Variants in GAS7 observed in about 807,000 individuals in gnomAD.
GAS7 encodes growth arrest specific 7.
In GAS7, 28 loss-of-function variants were observed where a neutral mutation model predicts 71.1. That is an observed-to-expected ratio of 0.39 (90% confidence interval 0.29 to 0.54). GAS7 has a LOEUF of 0.54. Among genes scored for constraint, GAS7 ranks in the 20% least tolerant of loss-of-function variants. The probability of loss-of-function intolerance (pLI) is 0.62; values close to 1 mark genes in which losing one functional copy is unlikely to be tolerated. For synonymous variants in GAS7, 258 were observed against 245.8 expected, an observed-to-expected ratio of 1.05 and a Z score of -0.46; for missense variants, 436 against 627.8, an observed-to-expected ratio of 0.69 and a Z score of 3.27.
In GAS7 at chr17:9,981,295, G is replaced by A. The variant is rs1435614160; in HGVS notation, c.385+509C>T. Among the ~76,000 whole-genome samples, 1 of 152,006 alleles carries A rather than the reference G, an allele frequency of 6.6e-6. No homozygotes were observed. The highest frequency in any genetic ancestry group is 1.5e-5 in the Non-Finnish European group (1 of 68,032). On this transcript the variant is annotated intron_variant, in intron 3 of 13. Coordinates refer to ENST00000432992, the MANE Select transcript of GAS7 (RefSeq NM_201433.2). The surrounding 1 kb of genome is among the most constrained non-coding windows in gnomAD (Gnocchi z 4.4). ...GACAGAATGAGACCCTGTCTCAAAA[G>A]AGAAACAAACAAACAAACAAAAAAG...
chr17:10,007,625 C>CAAAAAAAAAAAAAAAA, intron 2 of GAS7, among the ~76,000 whole-genome samples: 1 of 46,594 alleles, frequency 2.1e-5, no homozygotes, highest in Non-Finnish European at 4.6e-5. Flanking sequence ...GATTCTGTCT[C>CAAAAAAAAAAAAAAAA]AAAAAAAAAA....
chr17:10,193,703 G>A (rs989146780), intron 1 of GAS7, among the ~76,000 whole-genome samples: 1 of 152,188 alleles, frequency 6.6e-6, no homozygotes, highest in South Asian at 2.1e-4. Context: ...GGCGCCACAT[G>A]GAAGAACATC....
At chr17:10,095,060 G>A (rs1198308544) in intron 1 of GAS7, among the ~76,000 whole-genome samples, 1 of 152,132 alleles carries the variant, frequency 6.6e-6, no homozygotes, top group Non-Finnish European at 1.5e-5. Context: ...AGATGGCCTA[G>A]GTTCAAGTCC....
chr17:10,049,884 T>C (rs953957537), intron 1 of GAS7, among the ~76,000 whole-genome samples: 3 of 152,074 alleles, frequency 2.0e-5, no homozygotes, highest in Non-Finnish European at 4.4e-5. Flanking sequence ...CGTCCCAAAG[T>C]GTTGGGATTA....
intron 1 of GAS7, among the ~76,000 whole-genome samples, chr17:10,169,205 G>A (rs182191599): frequency 1.1e-3 from 169 of 152,160 alleles, no homozygotes; most frequent in Non-Finnish European, 2.0e-3. Flanking sequence ...GGCAGAAGTT[G>A]CAGTGAGCCA....
intron 2 of GAS7, among the ~76,000 whole-genome samples, chr17:10,017,270 T>G (rs11868660): frequency 0.042 from 6,347 of 151,586 alleles, 250 homozygotes; most frequent in African/African-American, 0.1. Context: ...GACCAACTGG[T>G]CAAACCAACT....
At chr17:9,918,242 C>T in intron 12 of GAS7, 143 bp from the exon 13 acceptor site, 1 of 620,688 alleles carries the variant, frequency 1.6e-6, no homozygotes, top group South Asian at 1.9e-5. Context: ...GAGCGTGCCC[C>T]ATATCTAAGG....
intron 1 of GAS7, among the ~76,000 whole-genome samples, chr17:10,084,036 T>C (rs906300821): frequency 8.5e-5 from 13 of 152,084 alleles, no homozygotes; most frequent in African/African-American, 3.1e-4. Flanking sequence ...TACCTAGGCA[T>C]TGGCTGCCTC....
At chr17:9,970,412 G>T (rs2069912259) in intron 3 of GAS7, among the ~76,000 whole-genome samples, 1 of 152,060 alleles carries the variant, frequency 6.6e-6, no homozygotes, top group South Asian at 2.1e-4. Flanking sequence ...GGCGGATCAT[G>T]TGAGGTCAGG....
rs528743799 is a variant in GAS7 at position 10,029,756 on chromosome 17, A to G, written c.184-9859T>C. On this transcript the variant is annotated intron_variant, in intron 1 of 13. Transcript: ENST00000432992. ...AGTCCCAGCTACTAGGGAGGCTGAG[A>G]CAGGAGAATTGCTTGAACCTAGAAG... Among the ~76,000 whole-genome samples the G allele has an allele frequency of 3.8e-3, 584 of 152,178 alleles. 2 individuals are homozygous for G. The highest frequency in any genetic ancestry group is 5.8e-3 in the Non-Finnish European group (396 of 67,990).
In GAS7 at chr17:9,916,259, G is replaced by T. The variant is rs1268948694; in HGVS notation, c.*969C>A. 4.3e-6 allele frequency: 1 copy of T among 233,164 alleles called. No individual in the cohort carries two copies. Among genetic ancestry groups the T allele is most frequent in the Non-Finnish European group, 8.5e-6 (1 of 118,040 alleles). 14.4% of individuals were successfully genotyped at this position (233,164 alleles called of 1,614,324 possible). A position where few individuals can be genotyped will look rare whatever the true frequency, so the allele number is the denominator to read the frequency against. ...TGACCCGGCCCCATTAAGAGCCTGT[G>T]GTGGGCGGCCCGGGAGAGTGGGGGC... On this transcript the variant is annotated 3_prime_UTR_variant, in exon 14 of 14. Transcript: ENST00000432992.
chr17:10,048,919 T>C (rs1462066368), intron 1 of GAS7, among the ~76,000 whole-genome samples: 2 of 152,222 alleles, frequency 1.3e-5, no homozygotes, highest in Non-Finnish European at 2.9e-5. Context: ...TTCCAGCTCA[T>C]TGCGGGGGGG....
chr17:10,000,860 T>C (rs566945005), intron 2 of GAS7, among the ~76,000 whole-genome samples: 1 of 152,264 alleles, frequency 6.6e-6, no homozygotes, highest in East Asian at 1.9e-4. Context: ...AATCAGCACA[T>C]ACCATTTGTA....
In GAS7 at chr17:9,910,631, AT is replaced by A. The variant is rs371347581; in HGVS notation, c.*6596del. 50 of 194,448 alleles carry A rather than the reference AT, an allele frequency of 2.6e-4. 1 individual carries two copies. Among genetic ancestry groups the A allele is most frequent in the South Asian group, 2.5e-3 (13 of 5,202 alleles). 12.0% of individuals were successfully genotyped at this position (194,448 alleles called of 1,614,324 possible). ...TTTAACTTCCTGAAAACTCTTTATA[AT>A]AATGCAGGACAACTGTATATAGCAA... On this transcript the variant is annotated 3_prime_UTR_variant, in exon 14 of 14. Coordinates refer to ENST00000432992, the MANE Select transcript of GAS7 (RefSeq NM_201433.2).
At chr17:9,949,292 G>A (rs978566228) in intron 5 of GAS7, among the ~76,000 whole-genome samples, 5 of 152,272 alleles carry the variant, frequency 3.3e-5, no homozygotes, top group East Asian at 3.9e-4. Context: ...CAGTGCTGAC[G>A]GATTATGTGA....
chr17:10,151,547 T>C (rs549258982), intron 1 of GAS7, among the ~76,000 whole-genome samples: 1 of 152,126 alleles, frequency 6.6e-6, no homozygotes, highest in Non-Finnish European at 1.5e-5. Flanking sequence ...CTACCTACCA[T>C]CTATCTATTT....
At chr17:10,012,868 C>T (rs903770524) in intron 2 of GAS7, among the ~76,000 whole-genome samples, 2 of 151,728 alleles carry the variant, frequency 1.3e-5, no homozygotes, top group African/African-American at 4.8e-5. Flanking sequence ...CTTGGGAGGC[C>T]GAGGCAGGTG....
At chr17:10,020,111 C>G in intron 1 of GAS7, 2 of 528,114 alleles carry the variant, frequency 3.8e-6, no homozygotes, top group South Asian at 4.9e-5. Context: ...AGAGCCCCTG[C>G]ACAGAGGACA....
chr17:10,086,091 G>T (rs1300392087), intron 1 of GAS7, among the ~76,000 whole-genome samples: 1 of 152,212 alleles, frequency 6.6e-6, no homozygotes, highest in Non-Finnish European at 1.5e-5. Flanking sequence ...ACCCAGGCAG[G>T]CGCGACCATG....
Sources: allele counts gnomAD v4.1 joint callset (sites outside exome capture counted in the v4.1 genomes callset), GRCh38; gene constraint gnomAD v4.1.1; non-coding constraint Gnocchi (gnomAD v3.1); transcripts MANE v1.5; gene names NCBI Gene and HGNC (gene_info 2026-07-23, HGNC 2026-07-21).